Variants in SOX5 observed in about 807,000 individuals in gnomAD.
SOX5 encodes the protein SRY-box transcription factor 5, also known as transcription factor SOX-5.
SOX5 carries 9 observed loss-of-function variants against 92.0 expected under a neutral mutation model. The ratio of observed to expected loss-of-function variants is 0.10; its 90% CI spans 0.06 to 0.17. The LOEUF (loss-of-function observed/expected upper bound fraction) is 0.17. Among genes scored for constraint, SOX5 ranks in the 10% least tolerant of loss-of-function variants. SOX5 has a pLI of 1.00. For synonymous variants in SOX5, 344 were observed against 336.3 expected (o/e 1.02, Z -0.25); for missense variants, 642 against 944.5 (o/e 0.68, Z 4.20).
intron 4 of SOX5, among the ~76,000 whole-genome samples, chr12:24,039,262 G>A (rs887667339): frequency 2.8e-4 from 42 of 152,006 alleles, no homozygotes; most frequent in African/African-American, 8.7e-4. Flanking sequence ...TGATTTGATG[G>A]TTTTTCCTGT....
intron 3 of SOX5, among the ~76,000 whole-genome samples, chr12:23,756,674 A>G (rs751264969): frequency 5.9e-5 from 9 of 151,966 alleles, no homozygotes; most frequent in Non-Finnish European, 1.2e-4. Context: ...TGCTCCATCT[A>G]AATAACAATA....
intron 4 of SOX5, among the ~76,000 whole-genome samples, chr12:23,959,567 A>G (rs1946662504): frequency 6.6e-6 from 1 of 152,130 alleles, no homozygotes; most frequent in African/African-American, 2.4e-5. Flanking sequence ...ATCCAGCTAT[A>G]TAAACACCAA....
At position 23,534,258 on chromosome 12, in the gene SOX5, C is replaced by G. The variant is rs780859055; in HGVS notation, c.2253G>C (p.Gly751=). 3.1e-6 allele frequency: 5 copies of G among 1,614,000 alleles called. No individual in the cohort carries two copies. The highest frequency in any genetic ancestry group is 4.2e-6 in the Non-Finnish European group (5 of 1,179,986). The change falls in exon 15 of 15, where the codon GGG becomes GGC. Residue 751 remains glycine, a synonymous_variant. Coordinates refer to ENST00000451604, the MANE Select transcript of SOX5 (RefSeq NM_006940.6). ...CTGCAATATGGTTTTCACTGTCACTCCCATAATCTACATCTGGATCATCCT... is the reference window on the plus strand; with the variant it reads ...CTGCAATATGGTTTTCACTGTCACTGCCATAATCTACATCTGGATCATCCT... ...EEEDDPDVDY[G]SDSENHIAGQ...
At chr12:23,784,993 G>A (rs953960915) in intron 3 of SOX5, among the ~76,000 whole-genome samples, 1 of 152,106 alleles carries the variant, frequency 6.6e-6, no homozygotes, top group African/African-American at 2.4e-5. Flanking sequence ...GAGGTGGGAG[G>A]GCCACTTGAG....
At chr12:24,476,849 T>C (rs928687025) in intron 1 of SOX5, among the ~76,000 whole-genome samples, 2 of 152,014 alleles carry the variant, frequency 1.3e-5, no homozygotes, top group Non-Finnish European at 2.9e-5. Flanking sequence ...AGAACTAGTC[T>C]GTGATTCAGT....
At chr12:24,236,848 G>T (rs180801969) in intron 3 of SOX5, among the ~76,000 whole-genome samples, 1 of 151,884 alleles carries the variant, frequency 6.6e-6, no homozygotes, top group Non-Finnish European at 1.5e-5. Context: ...TAATAAACAC[G>T]TGGGGGCACT....
chr12:24,128,612 A>G (rs1949342862), intron 4 of SOX5, among the ~76,000 whole-genome samples: 1 of 152,226 alleles, frequency 6.6e-6, no homozygotes, highest in Non-Finnish European at 1.5e-5. Context: ...GGAACAGTGT[A>G]TGCAAAGGCC....
At chr12:23,747,551 G>T (rs943061058) in intron 4 of SOX5, among the ~76,000 whole-genome samples, 1 of 151,994 alleles carries the variant, frequency 6.6e-6, no homozygotes, top group Non-Finnish European at 1.5e-5. Flanking sequence ...GCTTCTATGA[G>T]TTCCTCTAAT....
At chr12:23,682,630 G>GT (rs1566949169) in intron 6 of SOX5, among the ~76,000 whole-genome samples, 1 of 151,574 alleles carries the variant, frequency 6.6e-6, no homozygotes, top group African/African-American at 2.4e-5. Flanking sequence ...AAGCCACTAT[G>GT]TTTTTTAAAA....
chr12:24,197,252 C>G (rs1957091094), intron 4 of SOX5, among the ~76,000 whole-genome samples: 1 of 152,132 alleles, frequency 6.6e-6, no homozygotes, highest in African/African-American at 2.4e-5. Flanking sequence ...CAAATATTTG[C>G]TGAAGACTCT....
intron 2 of SOX5, among the ~76,000 whole-genome samples, chr12:23,853,666 G>A (rs2096658013): frequency 6.6e-6 from 1 of 151,068 alleles, no homozygotes. Context: ...GTTTTCATGT[G>A]CTCTCAAAAC....
At position 23,800,170 on chromosome 12, in the gene SOX5, GA is replaced by G. The variant is rs530753193; in HGVS notation, c.482-44447del. ...ACAGTTTCAACATTTTTAAATGGTTGAAAAAAAGAAGAATATTTTACAATAT... is the reference window on the plus strand; with the variant it reads ...ACAGTTTCAACATTTTTAAATGGTTGAAAAAAGAAGAATATTTTACAATAT... On this transcript the variant is annotated intron_variant, in intron 3 of 14. Coordinates refer to ENST00000451604, the MANE Select transcript of SOX5 (RefSeq NM_006940.6). Among the ~76,000 whole-genome samples, 739 of 151,802 alleles carry G rather than the reference GA, an allele frequency of 4.9e-3. 10 individuals are homozygous for G. The highest frequency in any genetic ancestry group is 0.016 in the African/African-American group (681 of 41,428).
chr12:23,752,258 TA>T (rs1478829428), intron 4 of SOX5, among the ~76,000 whole-genome samples: 1 of 148,968 alleles, frequency 6.7e-6, no homozygotes, highest in Non-Finnish European at 1.5e-5. Context: ...TGAGGGGAAA[TA>T]AACCAGGCTC....
chr12:23,962,597 T>C (rs1947077753), intron 4 of SOX5, among the ~76,000 whole-genome samples: 1 of 152,202 alleles, frequency 6.6e-6, no homozygotes, highest in African/African-American at 2.4e-5. Flanking sequence ...AACGGAACTC[T>C]TTATTAATTT....
At chr12:23,869,812 T>G (rs144783635) in intron 2 of SOX5, among the ~76,000 whole-genome samples, 72 of 152,164 alleles carry the variant, frequency 4.7e-4, no homozygotes, top group African/African-American at 1.7e-3. Context: ...GTATTGTTCT[T>G]CCCCCATATA....
intron 6 of SOX5, among the ~76,000 whole-genome samples, chr12:23,706,895 G>C (rs2091457887): frequency 6.6e-6 from 1 of 152,048 alleles, no homozygotes; most frequent in South Asian, 2.1e-4. Context: ...GAATGAGATA[G>C]AGGATATACC....
chr12:24,391,379 G>T (rs954624322), intron 1 of SOX5, among the ~76,000 whole-genome samples: 1 of 151,976 alleles, frequency 6.6e-6, no homozygotes. Flanking sequence ...AGATAAAATG[G>T]GTAAAAGTAC....
intron 4 of SOX5, among the ~76,000 whole-genome samples, chr12:24,079,345 A>C (rs10842270): frequency 0.35 from 52,815 of 151,706 alleles, 10,351 homozygotes; most frequent in East Asian, 0.67. Context: ...TCTAACTGTT[A>C]ACCCATACTT....
intron 2 of SOX5, among the ~76,000 whole-genome samples, chr12:23,861,468 G>C (rs752503209): frequency 1.3e-5 from 2 of 152,052 alleles, no homozygotes; most frequent in Non-Finnish European, 2.9e-5. Context: ...AGTATAAAGA[G>C]GAGATAAATA....
Sources: gnomAD v4.1 joint callset for allele counts (sites outside exome capture counted in the v4.1 genomes callset) on GRCh38, gnomAD v4.1.1 for gene constraint, MANE v1.5 for transcripts, NCBI Gene and HGNC (gene_info 2026-07-23, HGNC 2026-07-21) for gene names.